SMOC1: variants seen among roughly 807,000 people sequenced by gnomAD.
SMOC1 encodes SPARC related modular calcium binding 1.
In SMOC1, 22 loss-of-function variants were observed where a neutral mutation model predicts 56.3. The ratio of observed to expected loss-of-function variants is 0.39; its 90% CI spans 0.28 to 0.56. SMOC1 has a LOEUF of 0.56. SMOC1 is among the 20% of genes least tolerant of loss of function. The pLI is 0.61. For missense variants in SMOC1, 509 were observed against 565.4 expected (o/e 0.90, Z 1.01); for synonymous variants, 193 against 215.0 (o/e 0.90, Z 0.89).
intron 11 of SMOC1, among the ~76,000 whole-genome samples, chr14:70,024,661 A>G (rs1181471305): frequency 5.9e-5 from 9 of 152,268 alleles, no homozygotes; most frequent in East Asian, 1.9e-4. Flanking sequence ...ACAGTTTTCA[A>G]TGAGCTGAAG....
At chr14:69,978,474 A>G (rs1303061498) in intron 5 of SMOC1, among the ~76,000 whole-genome samples, 1 of 152,184 alleles carries the variant, frequency 6.6e-6, no homozygotes, top group Non-Finnish European at 1.5e-5. Flanking sequence ...CTATCCTGAA[A>G]TTCTGAATAA....
chr14:69,949,572 A>G (rs1882917697), intron 1 of SMOC1, among the ~76,000 whole-genome samples: 1 of 152,268 alleles, frequency 6.6e-6, no homozygotes, highest in South Asian at 2.1e-4. Flanking sequence ...ATTACAGGAG[A>G]TTGTCCTCAC....
rs1202334636 is a variant in SMOC1, at chr14:70,013,506, A to G, written c.1046+15A>G. Reference sequence around the variant, plus strand: ...GGAGGTGGGAGGTGAGATTGTGAGCAGGAATCAGGCCCAGGAGAAAAATGT... The same window carrying G: ...GGAGGTGGGAGGTGAGATTGTGAGCGGGAATCAGGCCCAGGAGAAAAATGT... On this transcript the variant is annotated intron_variant, in intron 10 of 11. Coordinates refer to ENST00000361956, the MANE Select transcript of SMOC1 (RefSeq NM_001034852.3). 6.2e-6 allele frequency: 10 copies of G among 1,611,910 alleles called. No individual in the cohort carries two copies. Among genetic ancestry groups the G allele is most frequent in the Non-Finnish European group, 8.5e-6 (10 of 1,178,142 alleles).
chr14:69,946,665 G>A (rs170566), intron 1 of SMOC1, among the ~76,000 whole-genome samples: 80,797 of 151,992 alleles, frequency 0.53, 23,465 homozygotes, highest in African/African-American at 0.78. Flanking sequence ...GCTCCTGAGC[G>A]ACTCCAAACT....
rs957082477 is a variant in SMOC1, at chr14:69,941,712, C to T, written c.100-10426C>T. ...TCTATGATCTCTCCCCAACCTGGCC[C>T]TAGGGGCTGATTTCTTCTATGAAGG... On this transcript the variant is annotated intron_variant, in intron 1 of 11. Coordinates refer to ENST00000361956, the MANE Select transcript of SMOC1 (RefSeq NM_001034852.3). Among the ~76,000 whole-genome samples, 7 of 152,202 alleles carry T rather than the reference C, an allele frequency of 4.6e-5. No homozygotes were observed. The East Asian group carries it at 1.3e-3, about 29-fold the overall frequency.
intron 1 of SMOC1, among the ~76,000 whole-genome samples, chr14:69,916,282 A>T (rs1043257708): frequency 6.6e-6 from 1 of 152,216 alleles, no homozygotes; most frequent in Non-Finnish European, 1.5e-5. Context: ...TACTCTAAAA[A>T]TGTGTCCAGA....
chr14:69,952,826 C>T (rs1160752121), intron 2 of SMOC1, among the ~76,000 whole-genome samples: 2 of 152,232 alleles, frequency 1.3e-5, no homozygotes, highest in Non-Finnish European at 2.9e-5. Context: ...ATAACAGCTA[C>T]CGCTTTAAAG....
chr14:70,011,028 G>T, intron 8 of SMOC1, 82 bp downstream of exon 8: 1 of 1,526,140 alleles, frequency 6.6e-7, no homozygotes, highest in Non-Finnish European at 9.0e-7. Flanking sequence ...TTCCTGCCCT[G>T]GTCTGGTGGG....
chr14:70,023,489 C>T (rs1204595102), intron 11 of SMOC1, 42 bp downstream of exon 11: 25 of 1,613,492 alleles, frequency 1.5e-5, no homozygotes, highest in Non-Finnish European at 2.0e-5. Flanking sequence ...CAATACTTGC[C>T]CCCACCCAGG....
At chr14:69,983,878 G>T (rs1275459424) in intron 5 of SMOC1, among the ~76,000 whole-genome samples, 1 of 152,232 alleles carries the variant, frequency 6.6e-6, no homozygotes, top group Non-Finnish European at 1.5e-5. Context: ...GAGGGCCACA[G>T]AACTCGTGTG....
At chr14:69,963,400 C>T (rs1447093798) in intron 3 of SMOC1, among the ~76,000 whole-genome samples, 1 of 152,144 alleles carries the variant, frequency 6.6e-6, no homozygotes, top group Non-Finnish European at 1.5e-5. Flanking sequence ...CATTGTATAT[C>T]TCTAAGAGCT....
intron 7 of SMOC1, among the ~76,000 whole-genome samples, chr14:70,001,025 T>C (rs1388576528): frequency 6.6e-6 from 1 of 152,038 alleles, no homozygotes; most frequent in Non-Finnish European, 1.5e-5. Context: ...GAAAGAGGTA[T>C]GAGGTACGAG....
At chr14:69,913,794 C>T (rs1884616327) in intron 1 of SMOC1, among the ~76,000 whole-genome samples, 1 of 152,078 alleles carries the variant, frequency 6.6e-6, no homozygotes, top group Non-Finnish European at 1.5e-5. Context: ...AATACAGCAG[C>T]CCTGAGAAAA....
intron 1 of SMOC1, among the ~76,000 whole-genome samples, chr14:69,905,648 A>G (rs1343627176): frequency 6.6e-6 from 1 of 152,208 alleles, no homozygotes; most frequent in African/African-American, 2.4e-5. Flanking sequence ...GTTAAGGTCA[A>G]TGAGTTGATA....
chr14:69,904,692 T>A (rs1884359721), intron 1 of SMOC1, among the ~76,000 whole-genome samples: 3 of 152,206 alleles, frequency 2.0e-5, no homozygotes, highest in Non-Finnish European at 4.4e-5. Flanking sequence ...CAGACCTTCG[T>A]GGGCTCAAAG....
At chr14:70,011,648 C>T in intron 9 of SMOC1, 81 bp downstream of exon 9, 1 of 1,338,870 alleles carries the variant, frequency 7.5e-7, no homozygotes, top group Non-Finnish European at 1.1e-6. Context: ...AAGCTGTCTC[C>T]TCTTTGTCTG....
intron 5 of SMOC1, among the ~76,000 whole-genome samples, chr14:69,984,971 G>T (rs10140789): frequency 6.6e-6 from 1 of 152,034 alleles, no homozygotes; most frequent in Admixed American, 6.5e-5. Context: ...GAACCCAGGA[G>T]GTGGAGGTTG....
At position 69,921,338 on chromosome 14, in the gene SMOC1, C is replaced by T. The variant is rs115386865; in HGVS notation, c.100-30800C>T. On this transcript the variant is annotated intron_variant, in intron 1 of 11. Coordinates refer to ENST00000361956, the MANE Select transcript of SMOC1 (RefSeq NM_001034852.3). ...ACCCCTTATGTCTCACGCAGTAGGC[C>T]TGGACCTTCCCAGGGGAGGCTGTTA... Among the ~76,000 whole-genome samples the T allele has an allele frequency of 5.1e-3, 774 of 152,282 alleles. 4 individuals carry two copies. Among genetic ancestry groups the T allele is most frequent in the African/African-American group, 0.017 (702 of 41,558 alleles).
At chr14:69,945,657 C>T (rs892016197) in intron 1 of SMOC1, among the ~76,000 whole-genome samples, 3 of 152,192 alleles carry the variant, frequency 2.0e-5, no homozygotes, top group Non-Finnish European at 4.4e-5. Context: ...ATTTGTTTTG[C>T]TCCAATAGAT....
Sources: gnomAD v4.1 joint callset for allele counts (sites outside exome capture counted in the v4.1 genomes callset) on GRCh38, gnomAD v4.1.1 for gene constraint, MANE v1.5 for transcripts, NCBI Gene and HGNC (gene_info 2026-07-23, HGNC 2026-07-21) for gene names.